Variants in NRXN3 observed in about 807,000 individuals in gnomAD.
The protein encoded by NRXN3 is neurexin III.
In NRXN3, 32 loss-of-function variants were observed where a neutral mutation model predicts 137.6. The ratio of observed to expected loss-of-function variants is 0.23; its 90% confidence interval spans 0.18 to 0.31. The LOEUF (loss-of-function observed/expected upper bound fraction) is 0.31. Among genes scored for constraint, NRXN3 ranks in the 10% least tolerant of loss-of-function variants. NRXN3 has a pLI of 1.00. For missense variants in NRXN3, 1,574 were observed against 2,062.5 expected (o/e 0.76, Z 4.59); for synonymous variants, 798 against 784.5 (o/e 1.02, Z -0.29).
At chr14:79,624,014 C>A (rs1321960903) in intron 16 of NRXN3, among the ~76,000 whole-genome samples, 1 of 152,080 alleles carries the variant, frequency 6.6e-6, no homozygotes, top group East Asian at 1.9e-4. Context: ...CAGATGATTT[C>A]ACCTAGAAGC....
intron 15 of NRXN3, among the ~76,000 whole-genome samples, chr14:79,091,054 C>T (rs1006757856): frequency 2.1e-5 from 3 of 146,072 alleles, no homozygotes; most frequent in African/African-American, 7.5e-5. Flanking sequence ...AAAACAGTAC[C>T]ATATAATCCT....
chr14:79,375,356 G>A (rs758319192), intron 15 of NRXN3, among the ~76,000 whole-genome samples: 7 of 135,752 alleles, frequency 5.2e-5, no homozygotes, highest in African/African-American at 1.9e-4. Context: ...TTAAATGAAT[G>A]CATTGTTTTG....
chr14:78,273,437 T>C (rs1165648050), intron 2 of NRXN3, among the ~76,000 whole-genome samples: 3 of 152,182 alleles, frequency 2.0e-5, no homozygotes, highest in East Asian at 3.9e-4. Context: ...ATAAGAGTAT[T>C]ATAAAAATCA....
intron 15 of NRXN3, among the ~76,000 whole-genome samples, chr14:79,044,220 G>A (rs1044975225): frequency 2.0e-5 from 3 of 152,138 alleles, no homozygotes; most frequent in African/African-American, 7.2e-5. Flanking sequence ...GAGAAAACAC[G>A]TTGCATTTTA....
At chr14:78,687,774 G>T (rs1261148080) in intron 6 of NRXN3, among the ~76,000 whole-genome samples, 1 of 152,126 alleles carries the variant, frequency 6.6e-6, no homozygotes, top group Non-Finnish European at 1.5e-5. Context: ...TAAGCATTTG[G>T]CCTCGACATG....
At chr14:79,358,251 G>T (rs1431873923) in intron 15 of NRXN3, among the ~76,000 whole-genome samples, 7 of 152,072 alleles carry the variant, frequency 4.6e-5, no homozygotes, top group Non-Finnish European at 8.8e-5. Flanking sequence ...TGAGTACACA[G>T]AGCCAAAGAC....
At chr14:79,132,172 G>T (rs572909238) in intron 15 of NRXN3, among the ~76,000 whole-genome samples, 1 of 152,352 alleles carries the variant, frequency 6.6e-6, no homozygotes, top group Admixed American at 6.5e-5. Context: ...GTAGACCAGA[G>T]CTGTTCCTAT....
At chr14:79,374,948 A>T (rs2094217137) in intron 15 of NRXN3, among the ~76,000 whole-genome samples, 1 of 152,156 alleles carries the variant, frequency 6.6e-6, no homozygotes, top group Non-Finnish European at 1.5e-5. Context: ...TTTTTCCATG[A>T]ACAGCAGCAT....
At chr14:79,508,390 A>ATATTTTTTTTTTTTTTTTTTTTTTT (rs1555494767) in intron 16 of NRXN3, among the ~76,000 whole-genome samples, 1 of 48,240 alleles carries the variant, frequency 2.1e-5, no homozygotes, top group Non-Finnish European at 4.0e-5. Flanking sequence ...ACAATAACTG[A>ATATTTTTTTTTTTTTTTTTTTTTTT]TTTTTTTTTT....
intron 1 of NRXN3, among the ~76,000 whole-genome samples, chr14:78,221,384 G>A (rs1306292480): frequency 6.6e-6 from 1 of 152,130 alleles, no homozygotes; most frequent in East Asian, 1.9e-4. Context: ...GTAGGAAAAA[G>A]GGTACAGGTT....
intron 4 of NRXN3, among the ~76,000 whole-genome samples, chr14:78,368,780 T>C (rs1484662485): frequency 6.6e-6 from 1 of 152,140 alleles, no homozygotes; most frequent in South Asian, 2.1e-4. Flanking sequence ...ATTAAACTGT[T>C]ATGAATTCTT....
intron 10 of NRXN3, among the ~76,000 whole-genome samples, chr14:78,823,585 G>A (rs1193191523): frequency 6.6e-6 from 1 of 152,062 alleles, no homozygotes; most frequent in East Asian, 1.9e-4. Context: ...AAATTGGAAA[G>A]GAGAACTTTA....
chr14:79,418,267 A>T (rs1213069260), intron 15 of NRXN3, among the ~76,000 whole-genome samples: 1 of 152,258 alleles, frequency 6.6e-6, no homozygotes, highest in African/African-American at 2.4e-5. Context: ...TTCAGTAATT[A>T]TAAGTCTATA....
chr14:79,095,940 C>T (rs528327697), intron 15 of NRXN3, among the ~76,000 whole-genome samples: 37 of 152,220 alleles, frequency 2.4e-4, no homozygotes, highest in African/African-American at 7.7e-4. Context: ...CACAAGAGTA[C>T]TTCCTATGCT....
At chr14:79,298,411 T>TC (rs1288352106) in intron 15 of NRXN3, among the ~76,000 whole-genome samples, 1 of 152,098 alleles carries the variant, frequency 6.6e-6, no homozygotes, top group Non-Finnish European at 1.5e-5. Flanking sequence ...CTCCATGGCT[T>TC]CTAGCTACAG....
At chr14:79,075,348 T>C (rs1159181451) in intron 15 of NRXN3, among the ~76,000 whole-genome samples, 1 of 152,180 alleles carries the variant, frequency 6.6e-6, no homozygotes, top group African/African-American at 2.4e-5. Context: ...CACACATTAT[T>C]GCATTTTAGA....
At chr14:78,198,781 A>G (rs2061436606) in intron 1 of NRXN3, among the ~76,000 whole-genome samples, 1 of 152,210 alleles carries the variant, frequency 6.6e-6, no homozygotes, top group Non-Finnish European at 1.5e-5. Flanking sequence ...AATTTTCTCA[A>G]ATGAATGGGC....
At chr14:78,296,187 G>A (rs1369595064) in intron 3 of NRXN3, among the ~76,000 whole-genome samples, 1 of 151,052 alleles carries the variant, frequency 6.6e-6, no homozygotes, top group Non-Finnish European at 1.5e-5. Flanking sequence ...GTGCCCACCC[G>A]AGTAGCTGGG....
At chr14:78,226,433 A>C (rs1322176854) in intron 1 of NRXN3, among the ~76,000 whole-genome samples, 1 of 152,212 alleles carries the variant, frequency 6.6e-6, no homozygotes, top group Non-Finnish European at 1.5e-5. Flanking sequence ...TAAAAGATTT[A>C]TCTAACCTGG....
Sources: gnomAD v4.1 joint callset for allele counts (sites outside exome capture counted in the v4.1 genomes callset) on GRCh38, gnomAD v4.1.1 for gene constraint, MANE v1.5 for transcripts, NCBI Gene and HGNC (gene_info 2026-07-23, HGNC 2026-07-21) for gene names.